The following DLGAP2 variants were observed in gnomAD, a reference collection of about 807,000 sequenced individuals.
DLGAP2 encodes the protein disks large-associated protein 2.
Under a neutral mutation model 100.3 loss-of-function variants are expected in DLGAP2, and 26 were observed. The ratio of observed to expected loss-of-function variants is 0.26; its 90% CI spans 0.19 to 0.36. The LOEUF (loss-of-function observed/expected upper bound fraction) is 0.36. Among genes scored for constraint, DLGAP2 ranks in the 10% least tolerant of loss-of-function variants. DLGAP2 has a pLI of 1.00. For synonymous variants in DLGAP2, 886 were observed against 630.1 expected (o/e 1.41, Z -6.08); for missense variants, 1,858 against 1,453.2 (o/e 1.28, Z -4.53).
rs1799424239 is a variant in DLGAP2 at position 1,697,263 on chromosome 8, C to G, written c.2913C>G (p.Leu971=). Residue 971 remains leucine, a synonymous_variant, in exon 14 of 15, where the codon CTC becomes CTG. Transcript: ENST00000637795. ...TCGACGAGCTGCAGCGGCTGCGGCTCAACGACTGGAAGATGATGGAGTCCC... is the reference window on the plus strand; with the variant it reads ...TCGACGAGCTGCAGCGGCTGCGGCTGAACGACTGGAAGATGATGGAGTCCC... The part of the protein sequence containing the change: ...MKFDELQRLR[L]NDWKMMESPE... 6.2e-7 allele frequency: 1 copy of G among 1,610,202 alleles called. No individual in the cohort carries two copies. The highest frequency in any genetic ancestry group is 1.3e-5 in the African/African-American group (1 of 74,866).
chr8:1,601,363 T>A (rs1796617797), intron 6 of DLGAP2, among the ~76,000 whole-genome samples: 1 of 152,146 alleles, frequency 6.6e-6, no homozygotes, highest in African/African-American at 2.4e-5. Context: ...GGGGCCCACT[T>A]GAGGAGGCAC....
chr8:1,352,912 T>C (rs375946321), intron 3 of DLGAP2, among the ~76,000 whole-genome samples: 6 of 152,194 alleles, frequency 3.9e-5, no homozygotes, highest in East Asian at 3.9e-4. Context: ...GCCTCCGGTC[T>C]TCCAGCTCAG....
chr8:1,555,984 T>C (rs1801950705), intron 5 of DLGAP2, among the ~76,000 whole-genome samples: 1 of 152,152 alleles, frequency 6.6e-6, no homozygotes, highest in South Asian at 2.1e-4. Flanking sequence ...GAACACTGGG[T>C]GGGTGCATGC....
chr8:1,678,652 G>T, intron 12 of DLGAP2, 23 bp downstream of exon 12: 1 of 1,477,132 alleles, frequency 6.8e-7, no homozygotes, highest in Non-Finnish European at 9.0e-7. Flanking sequence ...GCTTCCCTAG[G>T]GCCTCTTAAA....
chr8:821,629 T>G (rs1162233511), intron 1 of DLGAP2, among the ~76,000 whole-genome samples: 1 of 152,218 alleles, frequency 6.6e-6, no homozygotes, highest in Non-Finnish European at 1.5e-5. Context: ...ATTATTAATA[T>G]TCTCTGGTAC....
In DLGAP2 at chr8:967,816, C is replaced by CTTTTTATA. The variant is rs1160625195; in HGVS notation, c.73+59851_73+59852insTTTTATAT. Among the ~76,000 whole-genome samples, 4 of 2,584 alleles carry CTTTTTATA rather than the reference C, an allele frequency of 1.5e-3. 1 individual carries two copies. Among genetic ancestry groups the CTTTTTATA allele is most frequent in the Admixed American group, 0.013 (2 of 160 alleles). The allele number at this position is 2,584 out of a possible 152,430, so 1.7% of individuals were successfully genotyped here. ...ATATACACCTCTTTGTTGAACACCA[C>CTTTTTATA]TATATATATATATATATATATATAT... On this transcript the variant is annotated intron_variant, in intron 2 of 14. Coordinates refer to ENST00000637795, the MANE Select transcript of DLGAP2 (RefSeq NM_001346810.2).
At chr8:793,080 C>G (rs896290808) in intron 1 of DLGAP2, among the ~76,000 whole-genome samples, 1 of 152,162 alleles carries the variant, frequency 6.6e-6, no homozygotes, top group Non-Finnish European at 1.5e-5. Flanking sequence ...TACTATCAGC[C>G]CTCCTTTCTT....
At chr8:1,469,392 C>G (rs1435892359) in intron 3 of DLGAP2, among the ~76,000 whole-genome samples, 1 of 152,206 alleles carries the variant, frequency 6.6e-6, no homozygotes, top group Non-Finnish European at 1.5e-5. Flanking sequence ...TAATGCGTGG[C>G]CACCATCTCC....
intron 1 of DLGAP2, among the ~76,000 whole-genome samples, chr8:896,540 T>C (rs913569861): frequency 3.9e-5 from 6 of 152,126 alleles, no homozygotes; most frequent in Admixed American, 1.3e-4. Flanking sequence ...TGTTGAAGCC[T>C]TGGTCCCCAG....
At position 1,690,961 on chromosome 8, in the gene DLGAP2, C is replaced by G. The variant is rs568056165; in HGVS notation, c.2705-574C>G. Among the ~76,000 whole-genome samples, 12 of 152,246 alleles carry G rather than the reference C, an allele frequency of 7.9e-5. No homozygotes were observed. The East Asian group carries it at 1.2e-3, about 15-fold the overall frequency. ...AGCCACATCTTCCTACGTGCTACGA[C>G]CTTCCTGTGAGGCCTCTGTCCACGC... On this transcript the variant is annotated intron_variant, in intron 12 of 14. Transcript: ENST00000637795.
chr8:1,352,600 A>G (rs759590106), intron 3 of DLGAP2, among the ~76,000 whole-genome samples: 6 of 152,216 alleles, frequency 3.9e-5, no homozygotes, highest in African/African-American at 4.8e-5. Flanking sequence ...AAGTATGTCA[A>G]TTCCTGGAAG....
At chr8:1,488,648 G>T (rs566883591) in intron 3 of DLGAP2, among the ~76,000 whole-genome samples, 2 of 152,230 alleles carry the variant, frequency 1.3e-5, no homozygotes, top group Non-Finnish European at 2.9e-5. Flanking sequence ...GAGAGAAATT[G>T]AGGATGCAGG....
At chr8:1,429,854 C>G (rs1363682497) in intron 3 of DLGAP2, among the ~76,000 whole-genome samples, 1 of 150,648 alleles carries the variant, frequency 6.6e-6, no homozygotes, top group Admixed American at 6.6e-5. Context: ...TCTGATTTGT[C>G]CAAGGTGATC....
At chr8:975,449 G>GAGAA (rs1336744305) in intron 2 of DLGAP2, among the ~76,000 whole-genome samples, 1 of 151,992 alleles carries the variant, frequency 6.6e-6, no homozygotes, top group Admixed American at 6.5e-5. Context: ...TTAAAGAAAG[G>GAGAA]ATCACTGCAG....
intron 3 of DLGAP2, among the ~76,000 whole-genome samples, chr8:1,433,723 A>G (rs1479621505): frequency 7.0e-6 from 1 of 143,410 alleles, no homozygotes; most frequent in Non-Finnish European, 1.5e-5. Flanking sequence ...AAATACACAG[A>G]TGAGGCAAAA....
intron 8 of DLGAP2, among the ~76,000 whole-genome samples, chr8:1,637,420 G>T (rs1225192666): frequency 6.6e-6 from 1 of 151,908 alleles, no homozygotes; most frequent in East Asian, 2.0e-4. Flanking sequence ...CTGTTGCGCG[G>T]GGCTCTCAGA....
At chr8:1,246,358 G>T (rs1161023570) in intron 2 of DLGAP2, among the ~76,000 whole-genome samples, 1 of 152,152 alleles carries the variant, frequency 6.6e-6, no homozygotes, top group African/African-American at 2.4e-5. Context: ...GCTTTTGGAG[G>T]CACTAACCGC....
chr8:1,675,515 G>C (rs773387218), intron 10 of DLGAP2, among the ~76,000 whole-genome samples: 5 of 152,220 alleles, frequency 3.3e-5, no homozygotes, highest in Non-Finnish European at 7.3e-5. Context: ...GCCAGTCCTC[G>C]TTGACACAGG....
At chr8:1,532,297 T>C (rs1225562516) in intron 4 of DLGAP2, among the ~76,000 whole-genome samples, 8 of 152,212 alleles carry the variant, frequency 5.3e-5, no homozygotes, top group Non-Finnish European at 1.2e-4. Context: ...CCACTGCCAT[T>C]CCGATCCTTC....
Sources: allele counts gnomAD v4.1 joint callset (sites outside exome capture counted in the v4.1 genomes callset), GRCh38; gene constraint gnomAD v4.1.1; transcripts MANE v1.5; gene names NCBI Gene and HGNC (gene_info 2026-07-23, HGNC 2026-07-21).